NKAIN2: variants seen among roughly 807,000 people sequenced by gnomAD.
NKAIN2 encodes sodium/potassium-transporting ATPase subunit beta-1-interacting protein 2.
NKAIN2 carries 14 observed loss-of-function variants against 32.6 expected under a neutral mutation model. The observed-to-expected ratio is 0.43, with a 90% confidence interval of 0.28 to 0.67. The LOEUF (loss-of-function observed/expected upper bound fraction) is 0.67, where lower values mean the gene tolerates loss of function less well. Among genes scored for constraint, NKAIN2 ranks in the 30% least tolerant of loss-of-function variants. The probability of loss-of-function intolerance (pLI) is 0.17; values close to 1 mark genes in which losing one functional copy is unlikely to be tolerated. For synonymous variants in NKAIN2, 80 were observed against 87.2 expected, an observed-to-expected ratio of 0.92 and a Z score of 0.46; for missense variants, 198 against 258.3, an observed-to-expected ratio of 0.77 and a Z score of 1.60.
intron 2 of NKAIN2, among the ~76,000 whole-genome samples, chr6:124,286,267 T>C (rs1451635909): frequency 6.6e-6 from 1 of 152,156 alleles, no homozygotes; most frequent in African/African-American, 2.4e-5. Context: ...TTATACATTA[T>C]GCTATTTTCA....
chr6:124,629,702 T>TA lies in NKAIN2; in HGVS notation c.274-28478dup, dbSNP rs1267948473. On this transcript the variant is annotated intron_variant, in intron 3 of 6. Coordinates refer to ENST00000368417, the MANE Select transcript of NKAIN2 (RefSeq NM_001040214.3). ...ACATTTTCCCAATGTAGAGATACTA[T>TA]AAAAAATAATTTGCTTTCCAGAAGC... is the stretch of plus-strand genomic sequence containing the variant. Among the ~76,000 whole-genome samples the TA allele has an allele frequency of 3.9e-5, 6 of 152,264 alleles. No homozygotes were observed. The South Asian group carries it at 1.2e-3, about 32-fold the overall frequency.
chr6:124,091,747 A>C (rs1460138622), intron 1 of NKAIN2, among the ~76,000 whole-genome samples: 1 of 151,962 alleles, frequency 6.6e-6, no homozygotes. Context: ...ACCATCTACA[A>C]ACAACATACA....
intron 2 of NKAIN2, among the ~76,000 whole-genome samples, chr6:124,315,844 CTT>C: frequency 6.6e-6 from 1 of 152,050 alleles, no homozygotes; most frequent in East Asian, 1.9e-4. Context: ...GCTTATATCT[CTT>C]CTTATTCAAA....
At chr6:124,258,858 C>T (rs949134670) in intron 1 of NKAIN2, among the ~76,000 whole-genome samples, 1 of 152,140 alleles carries the variant, frequency 6.6e-6, no homozygotes, top group Admixed American at 6.6e-5. Context: ...TACTCTCTTC[C>T]CTATAGTCTT....
intron 1 of NKAIN2, among the ~76,000 whole-genome samples, chr6:124,263,962 C>A (rs979540571): frequency 6.6e-6 from 1 of 152,054 alleles, no homozygotes; most frequent in African/African-American, 2.4e-5. Flanking sequence ...GATAAATTTT[C>A]AGGAATGTGA....
At chr6:123,976,393 A>C (rs1251396398) in intron 1 of NKAIN2, among the ~76,000 whole-genome samples, 2 of 55,148 alleles carry the variant, frequency 3.6e-5, no homozygotes, top group African/African-American at 1.2e-4. Flanking sequence ...ATATATATAT[A>C]TATATATATA....
At chr6:124,142,065 G>A (rs1360311277) in intron 1 of NKAIN2, among the ~76,000 whole-genome samples, 1 of 152,096 alleles carries the variant, frequency 6.6e-6, no homozygotes, top group Non-Finnish European at 1.5e-5. Context: ...CAGTATCTTG[G>A]ACAACTTTTC....
intron 1 of NKAIN2, among the ~76,000 whole-genome samples, chr6:124,186,301 G>T (rs6922537): frequency 0.032 from 4,807 of 152,014 alleles, 237 homozygotes; most frequent in African/African-American, 0.11. Context: ...AGAATAGCTG[G>T]GCATGGTGGT....
At chr6:124,239,515 T>A (rs1582904914) in intron 1 of NKAIN2, among the ~76,000 whole-genome samples, 1 of 151,998 alleles carries the variant, frequency 6.6e-6, no homozygotes, top group Non-Finnish European at 1.5e-5. Context: ...CTTCAGCAAA[T>A]GAAAAAGAAC....
chr6:123,876,036 C>G (rs1332304912), intron 1 of NKAIN2, among the ~76,000 whole-genome samples: 2 of 152,040 alleles, frequency 1.3e-5, no homozygotes, highest in East Asian at 3.9e-4. Context: ...TGTGTATATA[C>G]ACACCCAAGT....
chr6:124,666,744 AT>A (rs138880332), intron 4 of NKAIN2, among the ~76,000 whole-genome samples: 8 of 151,322 alleles, frequency 5.3e-5, no homozygotes, highest in East Asian at 3.9e-4. Context: ...TACGTTTAAG[AT>A]TTTTTTTTGC....
chr6:123,976,614 A>T (rs893088482), intron 1 of NKAIN2, among the ~76,000 whole-genome samples: 32 of 151,354 alleles, frequency 2.1e-4, no homozygotes, highest in African/African-American at 7.3e-4. Flanking sequence ...ATAATGGAGG[A>T]CAGTCTGCTT....
At chr6:124,798,284 G>A (rs952730680) in intron 5 of NKAIN2, among the ~76,000 whole-genome samples, 32 of 152,124 alleles carry the variant, frequency 2.1e-4, no homozygotes, top group African/African-American at 7.7e-4. Flanking sequence ...AGAATTGTGA[G>A]AAGAATATGT....
intron 3 of NKAIN2, among the ~76,000 whole-genome samples, chr6:124,426,287 T>C (rs1202106949): frequency 6.6e-6 from 1 of 152,142 alleles, no homozygotes; most frequent in Non-Finnish European, 1.5e-5. Flanking sequence ...AAAACATTTT[T>C]TGATAAGACA....
rs116261946 is a variant in NKAIN2 at position 124,803,750 on chromosome 6, G to C, written c.535+12351G>C. ...AAATTTTAGTAAATTCTAATACAAAGTTCTCTCTTTTGAGCCTTGTCTCCA... is the reference window on the plus strand; with the variant it reads ...AAATTTTAGTAAATTCTAATACAAACTTCTCTCTTTTGAGCCTTGTCTCCA... On this transcript the variant is annotated intron_variant, in intron 5 of 6. Transcript: ENST00000368417. Among the ~76,000 whole-genome samples the C allele has an allele frequency of 4.6e-3, 694 of 152,124 alleles. 5 individuals carry two copies. Among genetic ancestry groups the C allele is most frequent in the African/African-American group, 0.016 (662 of 41,516 alleles).
chr6:124,109,360 C>T (rs116658781), intron 1 of NKAIN2, among the ~76,000 whole-genome samples: 5,917 of 151,918 alleles, frequency 0.039, 381 homozygotes, highest in African/African-American at 0.13. Flanking sequence ...TGCTAGTATA[C>T]AGAAATGAAA....
intron 1 of NKAIN2, among the ~76,000 whole-genome samples, chr6:123,898,726 A>G (rs781698655): frequency 1.3e-5 from 2 of 152,142 alleles, no homozygotes; most frequent in Non-Finnish European, 2.9e-5. Context: ...GTCATCATTC[A>G]TCTGTTGAAA....
intron 1 of NKAIN2, among the ~76,000 whole-genome samples, chr6:124,276,950 A>G (rs1372351457): frequency 6.6e-6 from 1 of 152,202 alleles, no homozygotes; most frequent in African/African-American, 2.4e-5. Context: ...CTAGACATCA[A>G]GGTTAACGCA....
At chr6:124,277,047 A>C (rs1008605853) in intron 1 of NKAIN2, among the ~76,000 whole-genome samples, 1 of 152,168 alleles carries the variant, frequency 6.6e-6, no homozygotes, top group East Asian at 1.9e-4. Context: ...ACCTGAATCC[A>C]AGGCAAAATC....
Sources: gnomAD v4.1 joint callset for allele counts (sites outside exome capture counted in the v4.1 genomes callset) on GRCh38, gnomAD v4.1.1 for gene constraint, MANE v1.5 for transcripts, NCBI Gene and HGNC (gene_info 2026-07-23, HGNC 2026-07-21) for gene names.